GOSR2: variants seen among roughly 807,000 people sequenced by gnomAD.
GOSR2 encodes the protein golgi SNAP receptor complex member 2, also known as 27 kDa Golgi SNARE protein.
GOSR2 carries 20 observed loss-of-function variants against 27.9 expected under a neutral mutation model. That is an observed-to-expected ratio of 0.72 (90% CI 0.50 to 1.04). GOSR2 has a LOEUF of 1.04. Ranked by LOEUF, GOSR2 falls within the 50% of genes least tolerant of loss-of-function variation. The pLI is 0.00. For missense variants in GOSR2, 261 were observed against 270.5 expected (o/e 0.97, Z 0.25); for synonymous variants, 91 against 98.8 (o/e 0.92, Z 0.47).
At chr17:46,935,566 A>G (rs945145499) in intron 5 of GOSR2, 5 of 1,177,088 alleles carry the variant, frequency 4.2e-6, no homozygotes, top group Admixed American at 8.5e-5. Context: ...TAGGACCCCT[A>G]CTGTGGACTG....
At chr17:46,959,548 GA>G (rs139479971) in intron 6 of GOSR2, among the ~76,000 whole-genome samples, 25 of 151,930 alleles carry the variant, frequency 1.6e-4, no homozygotes, top group African/African-American at 6.0e-4. Context: ...AGGTTTTTGG[GA>G]AAAAAACACT....
chr17:46,962,889 T>C (rs1231682134), intron 6 of GOSR2, among the ~76,000 whole-genome samples: 1 of 152,264 alleles, frequency 6.6e-6, no homozygotes, highest in Non-Finnish European at 1.5e-5. Context: ...CAGTGTGTGC[T>C]AGACCCTCTG....
At chr17:46,973,187 T>C in intron 6 of GOSR2, 1 of 153,886 alleles carries the variant, frequency 6.5e-6, no homozygotes, top group South Asian at 2.0e-4. Context: ...GGGCCATTTC[T>C]GCTGTACCCA....
At chr17:46,966,142 T>C (rs16941382) in intron 6 of GOSR2, among the ~76,000 whole-genome samples, 23,250 of 152,210 alleles carry the variant, frequency 0.15, 2,184 homozygotes, top group East Asian at 0.26. Context: ...TAGTACTATT[T>C]CGTGATTGAG....
chr17:46,935,861 C>A (rs759372734), intron 5 of GOSR2: 9 of 986,120 alleles, frequency 9.1e-6, no homozygotes, highest in Non-Finnish European at 1.1e-5. Flanking sequence ...CCTGTATCAA[C>A]CCTGATGGAT....
intron 1 of GOSR2, among the ~76,000 whole-genome samples, chr17:46,928,353 C>T (rs1024943014): frequency 6.6e-5 from 10 of 152,156 alleles, no homozygotes; most frequent in African/African-American, 2.4e-4. Flanking sequence ...TTGCATTGCT[C>T]ACGATGCAGA....
rs58438726 is a variant in GOSR2, at chr17:46,974,987, C to CTTTTTTTTTT, written c.616-195_616-186dup. On this transcript the variant is annotated intron_variant, in intron 6 of 6. Coordinates refer to the GOSR2 transcript ENST00000640723. Reference sequence around the variant, plus strand: ...CTTTTCAAATATGAATTACTATTTTCTTTTTTTTTTTTTTTTTTTTTTTTT... The same window carrying CTTTTTTTTTT: ...CTTTTCAAATATGAATTACTATTTTCTTTTTTTTTTTTTTTTTTTTTTTTTTTTTTTTTTT... 6.6e-3 allele frequency among the ~76,000 whole-genome samples: 782 copies of CTTTTTTTTTT among 118,908 alleles called. 19 individuals are homozygous for CTTTTTTTTTT. Among genetic ancestry groups the CTTTTTTTTTT allele is most frequent in the Middle Eastern group, 0.014 (3 of 216 alleles). 78.0% of individuals were successfully genotyped at this position (118,908 alleles called of 152,430 possible). A position where few individuals can be genotyped will look rare whatever the true frequency, so the allele number is the denominator to read the frequency against.
intron 4 of GOSR2, chr17:46,932,437 G>A: frequency 1.7e-6 from 1 of 604,350 alleles, no homozygotes; most frequent in Non-Finnish European, 2.9e-6. Flanking sequence ...AATAGGCAGA[G>A]GTGAAAATTA....
intron 6 of GOSR2, among the ~76,000 whole-genome samples, chr17:46,953,483 T>C (rs2090510319): frequency 6.6e-6 from 1 of 152,212 alleles, no homozygotes; most frequent in Non-Finnish European, 1.5e-5. Flanking sequence ...GTCTTTGCTA[T>C]TGTGAATAGT....
At chr17:46,965,211 C>T (rs1181669295) in intron 6 of GOSR2, among the ~76,000 whole-genome samples, 2 of 152,232 alleles carry the variant, frequency 1.3e-5, no homozygotes, top group African/African-American at 4.8e-5. Flanking sequence ...GGGGGCAGCT[C>T]TGCCTTCTCA....
intron 4 of GOSR2, chr17:46,932,887 T>G (rs2087622752): frequency 6.6e-6 from 1 of 152,550 alleles, no homozygotes; most frequent in Admixed American, 6.5e-5. Flanking sequence ...TATTTTGTTT[T>G]TTTACAGAGG....
chr17:46,947,475 A>C (rs1224539492), intron 6 of GOSR2, among the ~76,000 whole-genome samples: 1 of 152,182 alleles, frequency 6.6e-6, no homozygotes. Flanking sequence ...TGAGATACTG[A>C]TGAGAGCTGG....
chr17:46,946,420 C>T (rs1288015909), downstream of GOSR2, among the ~76,000 whole-genome samples: 6 of 146,626 alleles, frequency 4.1e-5, no homozygotes, highest in African/African-American at 1.5e-4. Flanking sequence ...GAGATCACGC[C>T]ATTGCACTCC....
At chr17:46,965,075 A>G (rs903495959) in intron 6 of GOSR2, 6 of 152,176 alleles carry the variant, frequency 3.9e-5, no homozygotes, top group Admixed American at 3.9e-4. Context: ...CATGTATCCC[A>G]GAAACATTAA....
intron 6 of GOSR2, among the ~76,000 whole-genome samples, chr17:46,960,328 AACAC>A (rs1299370504): frequency 6.6e-6 from 1 of 152,200 alleles, no homozygotes; most frequent in African/African-American, 2.4e-5. Flanking sequence ...CATACAAACA[AACAC>A]AACACAAAAT....
chr17:46,971,805 C>G (rs2091395058), downstream of GOSR2, among the ~76,000 whole-genome samples: 1 of 152,216 alleles, frequency 6.6e-6, no homozygotes, highest in Non-Finnish European at 1.5e-5. Flanking sequence ...CACCAGGCCC[C>G]CACTCACCCA....
chr17:46,942,235 T>A (rs2089378473), downstream of GOSR2, among the ~76,000 whole-genome samples: 1 of 152,206 alleles, frequency 6.6e-6, no homozygotes, highest in Non-Finnish European at 1.5e-5. Flanking sequence ...TGTTACTGTC[T>A]CAACCGGGGG....
intron 4 of GOSR2, chr17:46,933,275 C>T (rs1320496035): frequency 1.3e-5 from 2 of 152,222 alleles, no homozygotes; most frequent in African/African-American, 4.8e-5. Flanking sequence ...AAACTTCTTC[C>T]TGGTCATTCT....
intron 5 of GOSR2, chr17:46,935,417 A>G (rs945631280): frequency 1.8e-5 from 25 of 1,425,662 alleles, no homozygotes; most frequent in Non-Finnish European, 2.0e-5. Context: ...GTCTTTTCCC[A>G]TTTACTGAAC....
Sources: gnomAD v4.1 joint callset for allele counts (sites outside exome capture counted in the v4.1 genomes callset) on GRCh38, gnomAD v4.1.1 for gene constraint, MANE v1.5 for transcripts, NCBI Gene and HGNC (gene_info 2026-07-23, HGNC 2026-07-21) for gene names.